The following YIPF6 variants were observed in gnomAD, a reference collection of about 807,000 sequenced individuals.
YIPF6 encodes the protein protein YIPF6.
In YIPF6, 3 loss-of-function variants were observed where a neutral mutation model predicts 16.8. The ratio of observed to expected loss-of-function variants is 0.18; its 90% confidence interval spans 0.08 to 0.46. The LOEUF (loss-of-function observed/expected upper bound fraction) is 0.46. Ranked by LOEUF, YIPF6 falls within the 20% of genes least tolerant of loss-of-function variation. The probability of loss-of-function intolerance (pLI) is 0.98; values close to 1 mark genes in which losing one functional copy is unlikely to be tolerated. For synonymous variants in YIPF6, 67 were observed against 61.9 expected (o/e 1.08, Z -0.38); for missense variants, 145 against 184.9 (o/e 0.78, Z 1.25).
intron 1 of YIPF6, among the ~76,000 whole-genome samples, chrX:68,499,954 C>T (rs926973286): frequency 1.8e-5 from 2 of 112,247 alleles, no homozygotes; most frequent in East Asian, 2.8e-4. Context: ...TCACTATACT[C>T]TCTTGCTCCT....
At chrX:68,530,624 C>T (rs755862848) in intron 6 of YIPF6, among the ~76,000 whole-genome samples, 1 of 110,966 alleles carries the variant, frequency 9.0e-6, no homozygotes, top group Non-Finnish European at 1.9e-5. Flanking sequence ...TCCTGGTGTG[C>T]GGGTTGTGAA....
At position 68,499,101 on chromosome X, in the gene YIPF6, G is replaced by A; in HGVS notation, c.35G>A (p.Gly12Glu). 2 of 1,187,400 alleles carry A rather than the reference G, an allele frequency of 1.7e-6. No homozygotes were observed. The highest frequency in any genetic ancestry group is 1.9e-5 in the South Asian group (1 of 53,850). Residue 12 changes from glycine (G) to glutamate (E), a missense_variant, in exon 1 of 7, where the codon GGG becomes GAG. Transcript: ENST00000462683. ...AEAEESPGDP[G>E]TASPRPLFAG... The stretch of plus-strand genomic sequence containing the variant: ...GCGGAGGAGTCTCCAGGAGACCCGG[G>A]GACAGCATCGCCCAGGCCCCTGGTG...
In YIPF6 at chrX:68,533,871, G is replaced by A. The variant is rs868801253; in HGVS notation, c.*1872G>A. Reference sequence around the variant, plus strand: ...ACTCTCTTTCTGCCAAAGTTGTTTCGTAATCTGTCTCAATGACTATAATGT... The same window carrying A: ...ACTCTCTTTCTGCCAAAGTTGTTTCATAATCTGTCTCAATGACTATAATGT... On this transcript the variant is annotated 3_prime_UTR_variant, in exon 7 of 7. Coordinates refer to ENST00000462683, the MANE Select transcript of YIPF6 (RefSeq NM_173834.4). 1.8e-5 allele frequency: 2 copies of A among 111,840 alleles called. No individual in the cohort carries two copies. Among genetic ancestry groups the A allele is most frequent in the South Asian group, 3.7e-4 (1 of 2,701 alleles). 9.2% of individuals were successfully genotyped at this position (111,840 alleles called of 1,213,427 possible).
intron 3 of YIPF6, 35 bp downstream of exon 3, chrX:68,513,440 C>A: frequency 9.6e-7 from 1 of 1,043,547 alleles, no homozygotes; most frequent in Non-Finnish European, 1.3e-6. Context: ...TTTGCTTAAT[C>A]TATCTCACTG....
chrX:68,516,483 G>A (rs2079103297), intron 3 of YIPF6, among the ~76,000 whole-genome samples: 1 of 110,961 alleles, frequency 9.0e-6, no homozygotes, highest in South Asian at 3.8e-4. Flanking sequence ...TCATTATGTG[G>A]CACATGACAG....
In YIPF6 at chrX:68,534,575, A is replaced by G. The variant is rs2079184487; in HGVS notation, c.*2576A>G. The G allele has an allele frequency of 9.0e-6, 1 of 111,110 alleles. No individual in the cohort carries two copies. Among genetic ancestry groups the G allele is most frequent in the Admixed American group, 9.7e-5 (1 of 10,359 alleles). 9.2% of individuals were successfully genotyped at this position (111,110 alleles called of 1,213,427 possible). On this transcript the variant is annotated 3_prime_UTR_variant, in exon 7 of 7. Transcript: ENST00000462683. ...TAGCGCTGGCAATTTTTTTTTTTCT[A>G]AACAGGAAAAGGGTTAAATGAAGGT...
chrX:68,509,857 A>G (rs1032006211), intron 1 of YIPF6, among the ~76,000 whole-genome samples: 7 of 111,762 alleles, frequency 6.3e-5, no homozygotes, highest in Non-Finnish European at 1.1e-4. Context: ...TTTCTAGAGA[A>G]GAGCCTGTAA....
At chrX:68,524,674 C>G (rs954704087) in intron 6 of YIPF6, among the ~76,000 whole-genome samples, 8 of 108,884 alleles carry the variant, frequency 7.3e-5, no homozygotes, top group African/African-American at 2.7e-4. Flanking sequence ...CTCCCCTAGC[C>G]CCCCCAGCCT....
chrX:68,526,975 G>T (rs771173068), intron 6 of YIPF6, among the ~76,000 whole-genome samples: 1 of 111,865 alleles, frequency 8.9e-6, no homozygotes, highest in Admixed American at 9.5e-5. Context: ...GTTTCAGGAT[G>T]ATGCTGGCCT....
At chrX:68,502,751 A>G (rs749862756) in intron 1 of YIPF6, among the ~76,000 whole-genome samples, 11 of 111,124 alleles carry the variant, frequency 9.9e-5, no homozygotes, top group Non-Finnish European at 1.9e-4. Context: ...CAGGGTTAAA[A>G]AGACAGAATC....
At chrX:68,531,796 G>A in intron 6 of YIPF6, 85 bp from the exon 7 acceptor site, 1 of 643,362 alleles carries the variant, frequency 1.6e-6, no homozygotes, top group Non-Finnish European at 2.4e-6. Context: ...ATGATGCCAA[G>A]CTCATGAATG....
At chrX:68,499,691 G>T (rs770676735) in intron 1 of YIPF6, among the ~76,000 whole-genome samples, 1 of 111,798 alleles carries the variant, frequency 8.9e-6, no homozygotes, top group Non-Finnish European at 1.9e-5. Context: ...AGGCTGGAGG[G>T]CAGTGGCGCG....
chrX:68,510,569 TTATTTTA>T (rs1334466310), intron 1 of YIPF6: 20 of 100,541 alleles, frequency 2.0e-4, no homozygotes, highest in East Asian at 5.7e-4. Context: ...TTATTTTATT[TTATTTTA>T]TATTTTATAT....
In YIPF6 at chrX:68,502,054, A is replaced by G. The variant is rs775913892; in HGVS notation, c.57+2931A>G. ...AGAATGCCTGGCATATAATAATGCA[A>G]TGTGTTATTTCTTATTATTGGCTAC... On this transcript the variant is annotated intron_variant, in intron 1 of 6. Transcript: ENST00000462683. Among the ~76,000 whole-genome samples the G allele has an allele frequency of 3.6e-5, 4 of 112,344 alleles. No homozygotes were observed. In the East Asian group the frequency reaches 1.1e-3, roughly 31 times the overall value.
intron 1 of YIPF6, among the ~76,000 whole-genome samples, chrX:68,509,525 G>T (rs190169220): frequency 5.8e-4 from 65 of 111,580 alleles, no homozygotes; most frequent in African/African-American, 2.1e-3. Context: ...GCAGTAGACT[G>T]CTGTTGTTTA....
At chrX:68,511,735 T>TG (rs1227983785) in intron 1 of YIPF6, 114 bp from the exon 2 acceptor site, 3 of 854,599 alleles carry the variant, frequency 3.5e-6, no homozygotes, top group Non-Finnish European at 4.7e-6. Context: ...ACACCTACTT[T>TG]CCTATGTAAA....
rs201900614 is a variant in YIPF6 at position 68,521,339 on chromosome X, T to C, written c.309-33T>C. ...TAACTTTGTTGCCCTAAGTAAAAGA[T>C]TAAGCAATTCTTACGCTGTTTCCTT... On this transcript the variant is annotated intron_variant, in intron 4 of 6. Coordinates refer to ENST00000462683, the MANE Select transcript of YIPF6 (RefSeq NM_173834.4). 60 of 1,196,256 alleles carry C rather than the reference T, an allele frequency of 5.0e-5. No individual in the cohort carries two copies. The Middle Eastern group carries it at 7.0e-4, about 14-fold the overall frequency.
At chrX:68,528,174 G>T (rs1033057917) in intron 6 of YIPF6, among the ~76,000 whole-genome samples, 2 of 111,199 alleles carry the variant, frequency 1.8e-5, no homozygotes, top group South Asian at 3.8e-4. Context: ...TCCTGTATTG[G>T]GTGCATATAT....
At chrX:68,526,615 A>G (rs1303211642) in intron 6 of YIPF6, among the ~76,000 whole-genome samples, 1 of 111,727 alleles carries the variant, frequency 9.0e-6, no homozygotes, top group Non-Finnish European at 1.9e-5. Flanking sequence ...TGGGTTTGTC[A>G]TAAATAGCTC....
Sources: gnomAD v4.1 joint callset for allele counts (sites outside exome capture counted in the v4.1 genomes callset) on GRCh38, gnomAD v4.1.1 for gene constraint, MANE v1.5 for transcripts, NCBI Gene and HGNC (gene_info 2026-07-23, HGNC 2026-07-21) for gene names.